SLIT3: variants seen among roughly 807,000 people sequenced by gnomAD.
The protein encoded by SLIT3 is slit homolog 3 protein.
SLIT3 carries 68 observed loss-of-function variants against 184.0 expected under a neutral mutation model. The observed-to-expected ratio is 0.37, with a 90% confidence interval of 0.30 to 0.45. SLIT3 has a LOEUF of 0.45. Among genes scored for constraint, SLIT3 ranks in the 20% least tolerant of loss-of-function variants. The pLI, the probability that SLIT3 is intolerant of heterozygous loss-of-function variation, is 1.00. For missense variants in SLIT3, 1,707 were observed against 2,026.0 expected (o/e 0.84, Z 3.02); for synonymous variants, 831 against 828.6 (o/e 1.00, Z -0.05).
intron 20 of SLIT3, among the ~76,000 whole-genome samples, chr5:168,742,487 G>GGAATCAGGTCACAGGACTCACCT (rs1397565766): frequency 8.4e-6 from 1 of 119,212 alleles, no homozygotes; most frequent in Non-Finnish European, 1.7e-5. Context: ...CTGCAGTCCT[G>GGAATCAGGTCACAGGACTCACCT]GAATCAGGTC....
At chr5:168,939,186 C>T (rs1278550305) in intron 4 of SLIT3, among the ~76,000 whole-genome samples, 3 of 152,228 alleles carry the variant, frequency 2.0e-5, no homozygotes, top group African/African-American at 7.2e-5. Context: ...GGGCAACTTA[C>T]GTAGCTGCGC....
chr5:168,935,666 T>C (rs755923023), intron 4 of SLIT3, among the ~76,000 whole-genome samples: 15 of 152,184 alleles, frequency 9.9e-5, no homozygotes, highest in Middle Eastern at 3.2e-3. Flanking sequence ...GAAGTTTGAG[T>C]GCATTTCAGC....
intron 4 of SLIT3, among the ~76,000 whole-genome samples, chr5:169,010,832 G>C (rs745848193): frequency 1.3e-5 from 2 of 151,828 alleles, no homozygotes; most frequent in African/African-American, 4.8e-5. Flanking sequence ...GAACCCAGGA[G>C]GCGGAGGCAG....
intron 4 of SLIT3, among the ~76,000 whole-genome samples, chr5:169,129,609 C>T (rs1340782081): frequency 6.6e-6 from 1 of 151,838 alleles, no homozygotes; most frequent in African/African-American, 2.4e-5. Context: ...TTGGGATAAA[C>T]TAAAAATAAG....
chr5:169,161,981 C>A (rs770391763), intron 4 of SLIT3, among the ~76,000 whole-genome samples: 7 of 152,130 alleles, frequency 4.6e-5, no homozygotes, highest in African/African-American at 7.2e-5. Flanking sequence ...GGTGCCAACA[C>A]GTGTTTAGCA....
At position 169,120,218 on chromosome 5, in the gene SLIT3, G is replaced by A. The variant is rs112057258; in HGVS notation, c.413+73261C>T. On this transcript the variant is annotated intron_variant, in intron 4 of 35. Coordinates refer to ENST00000519560, the MANE Select transcript of SLIT3 (RefSeq NM_003062.4). ...GCTCAGTTGCAGGGTGATGGTGCAA[G>A]TCTCAAAGGCAACAGGGACCAAATT... 307 of 152,334 alleles carry A rather than the reference G, an allele frequency of 2.0e-3. 3 individuals are homozygous for A. Among genetic ancestry groups the A allele is most frequent in the African/African-American group, 6.9e-3 (288 of 41,576 alleles). 9.4% of individuals were successfully genotyped at this position (152,334 alleles called of 1,614,324 possible).
chr5:168,817,580 A>T, intron 7 of SLIT3, 117 bp from the exon 8 acceptor site: 2 of 954,690 alleles, frequency 2.1e-6, no homozygotes, highest in Non-Finnish European at 3.2e-6. Context: ...GAAAATCCCT[A>T]GGAGCCCAGG....
chr5:169,013,692 C>T (rs920594560), intron 4 of SLIT3, among the ~76,000 whole-genome samples: 7 of 152,254 alleles, frequency 4.6e-5, no homozygotes, highest in African/African-American at 1.7e-4. Flanking sequence ...CCAGGGCAGC[C>T]GGGGCCCCAT....
At chr5:169,159,547 G>A (rs1275551111) in intron 4 of SLIT3, among the ~76,000 whole-genome samples, 1 of 152,126 alleles carries the variant, frequency 6.6e-6, no homozygotes, top group African/African-American at 2.4e-5. Flanking sequence ...AGGCTGAGGT[G>A]GGCGGATCAC....
At chr5:169,072,356 TCATCTGTCAAATG>T (rs1278442120) in intron 4 of SLIT3, among the ~76,000 whole-genome samples, 4 of 152,218 alleles carry the variant, frequency 2.6e-5, no homozygotes, top group Non-Finnish European at 5.9e-5. Context: ...CCTAGATGCC[TCATCTGTCAAATG>T]AGGCAAATAA....
rs73805064 is a variant in SLIT3 at position 169,289,544 on chromosome 5, G to C, written c.197+10969C>G. 5.6e-3 allele frequency among the ~76,000 whole-genome samples: 854 copies of C among 152,300 alleles called. 12 individuals carry two copies. Among genetic ancestry groups the C allele is most frequent in the African/African-American group, 0.019 (794 of 41,552 alleles). On this transcript the variant is annotated intron_variant, in intron 1 of 35. Coordinates refer to ENST00000519560, the MANE Select transcript of SLIT3 (RefSeq NM_003062.4). Reference sequence around the variant, plus strand: ...ACCCTGGACATGATAAAAGATTTCAGATGGCCATAAAGACGAAGTCTGAGG... The same window carrying C: ...ACCCTGGACATGATAAAAGATTTCACATGGCCATAAAGACGAAGTCTGAGG...
chr5:168,677,124 T>C (rs1190957790), intron 32 of SLIT3, among the ~76,000 whole-genome samples: 1 of 152,186 alleles, frequency 6.6e-6, no homozygotes, highest in Non-Finnish European at 1.5e-5. Flanking sequence ...GCTCGAGGTA[T>C]AGCCTTCAGC....
chr5:168,958,935 C>A (rs538922241), intron 4 of SLIT3, among the ~76,000 whole-genome samples: 1 of 152,326 alleles, frequency 6.6e-6, no homozygotes, highest in South Asian at 2.1e-4. Flanking sequence ...TCCACCTGGC[C>A]AAGGGTAATG....
In SLIT3 at chr5:168,707,978, T is replaced by C. The variant is rs775768842; in HGVS notation, c.2842A>G (p.Lys948Glu). The C allele has an allele frequency of 6.8e-6, 11 of 1,613,970 alleles. No homozygotes were observed. In the South Asian group the frequency reaches 1.2e-4, roughly 18 times the overall value. Reference protein sequence around the residue: ...LYRCACPYSYKGKDCTVPINT... With the variant: ...LYRCACPYSYEGKDCTVPINT... ...GGGGGGCAGGGCCTCCAGCATACCTTGTAGCTGTAGGGGCAGGCACAGCGG... is the reference window on the plus strand; with the variant it reads ...GGGGGGCAGGGCCTCCAGCATACCTCGTAGCTGTAGGGGCAGGCACAGCGG... The change falls in exon 26 of 36, where the codon AAG (lysine) becomes GAG (glutamate). Residue 948 changes from lysine to glutamate, a missense_variant and splice_region_variant. By Grantham distance (56) the Lys-to-Glu change is moderately conservative (BLOSUM62 1). Transcript: ENST00000519560.
chr5:168,871,236 T>C lies in SLIT3; in HGVS notation c.485+12029A>G, dbSNP rs537569321. Among the ~76,000 whole-genome samples the C allele has an allele frequency of 1.2e-4, 18 of 152,346 alleles. No homozygotes were observed. The South Asian group carries it at 3.5e-3, about 30-fold the overall frequency. ...CTTATGAAGACCCTTCTGATTACAT[T>C]GGATCCCCTCAAATAATCCAGGATA... On this transcript the variant is annotated intron_variant, in intron 5 of 35. Coordinates refer to ENST00000519560, the MANE Select transcript of SLIT3 (RefSeq NM_003062.4).
chr5:168,941,606 G>T (rs1762334555), intron 4 of SLIT3, among the ~76,000 whole-genome samples: 1 of 152,180 alleles, frequency 6.6e-6, no homozygotes. Context: ...CCCAAGTGGA[G>T]AAATGGAAAT....
At chr5:168,838,896 C>G (rs868746021) in intron 6 of SLIT3, among the ~76,000 whole-genome samples, 4 of 152,298 alleles carry the variant, frequency 2.6e-5, no homozygotes, top group Middle Eastern at 3.4e-3. Context: ...TCTCTCCTCT[C>G]TAAACGTGGG....
intron 4 of SLIT3, among the ~76,000 whole-genome samples, chr5:169,187,111 G>GGT (rs1763371798): frequency 1.1e-5 from 1 of 94,418 alleles, no homozygotes; most frequent in Non-Finnish European, 1.9e-5. Flanking sequence ...GCAGCTATAG[G>GGT]TTTTTTTTTT....
chr5:168,755,200 T>C (rs1754849180), intron 16 of SLIT3, among the ~76,000 whole-genome samples: 1 of 152,286 alleles, frequency 6.6e-6, no homozygotes, highest in South Asian at 2.1e-4. Context: ...TTGCTTGCAG[T>C]CACCCAGCTG....
Sources: gnomAD v4.1 joint callset for allele counts (sites outside exome capture counted in the v4.1 genomes callset) on GRCh38, gnomAD v4.1.1 for gene constraint, MANE v1.5 for transcripts, NCBI Gene and HGNC (gene_info 2026-07-23, HGNC 2026-07-21) for gene names.